The following HS3ST4 variants were observed in gnomAD, a reference collection of about 807,000 sequenced individuals.
HS3ST4 encodes heparan sulfate-glucosamine 3-sulfotransferase 4, also known as heparan sulfate glucosamine 3-O-sulfotransferase 4.
A neutral mutation model predicts 29.2 loss-of-function variants in HS3ST4; 17 were observed. That is an observed-to-expected ratio of 0.58 (90% CI 0.40 to 0.87). The LOEUF (loss-of-function observed/expected upper bound fraction) is 0.87, where lower values mean the gene tolerates loss of function less well. HS3ST4 is among the 40% of genes least tolerant of loss of function. The pLI is 0.00. For missense variants in HS3ST4, 627 were observed against 634.5 expected, an observed-to-expected ratio of 0.99 and a Z score of 0.13; for synonymous variants, 314 against 285.7, an observed-to-expected ratio of 1.10 and a Z score of -1.00.
intron 1 of HS3ST4, among the ~76,000 whole-genome samples, chr16:25,786,142 G>A (rs966442857): frequency 6.6e-6 from 1 of 152,182 alleles, no homozygotes; most frequent in Non-Finnish European, 1.5e-5. Flanking sequence ...CTAAACCAGG[G>A]AAGATTGGAA....
chr16:26,078,319 G>A (rs1898689751), intron 1 of HS3ST4, among the ~76,000 whole-genome samples: 1 of 151,944 alleles, frequency 6.6e-6, no homozygotes, highest in African/African-American at 2.4e-5. Context: ...TTTTTTGTGT[G>A]TGTATTTTTT....
chr16:25,733,691 G>A (rs760461504), intron 1 of HS3ST4, among the ~76,000 whole-genome samples: 6 of 152,022 alleles, frequency 3.9e-5, no homozygotes, highest in Admixed American at 6.6e-5. Flanking sequence ...TCTGGGGGGC[G>A]GGGGGAAACG....
chr16:26,042,045 C>A (rs572702413), intron 1 of HS3ST4, among the ~76,000 whole-genome samples: 69 of 152,262 alleles, frequency 4.5e-4, no homozygotes, highest in Admixed American at 1.6e-3. Flanking sequence ...TTGTTCCTGG[C>A]AAGCAGCAAA....
intron 1 of HS3ST4, among the ~76,000 whole-genome samples, chr16:25,876,455 A>T (rs1020457616): frequency 1.3e-5 from 2 of 152,060 alleles, no homozygotes; most frequent in Non-Finnish European, 2.9e-5. Context: ...GGCTGTTTCA[A>T]GTTTCTCTTA....
chr16:25,888,989 A>G (rs1967981477), intron 1 of HS3ST4, among the ~76,000 whole-genome samples: 1 of 152,108 alleles, frequency 6.6e-6, no homozygotes, highest in African/African-American at 2.4e-5. Flanking sequence ...TGCTGACACT[A>G]ATGATGGATG....
intron 1 of HS3ST4, among the ~76,000 whole-genome samples, chr16:25,767,425 G>A (rs568381603): frequency 3.3e-4 from 50 of 152,300 alleles, no homozygotes; most frequent in African/African-American, 1.2e-3. Context: ...GTCTCCTCGG[G>A]GGGTGGCTGA....
chr16:25,790,317 G>A (rs1354793709), intron 1 of HS3ST4, among the ~76,000 whole-genome samples: 1 of 152,194 alleles, frequency 6.6e-6, no homozygotes, highest in African/African-American at 2.4e-5. Context: ...GCTGAGGCAG[G>A]AGAATTGCTT....
At chr16:26,052,976 G>C (rs1898365236) in intron 1 of HS3ST4, among the ~76,000 whole-genome samples, 1 of 152,194 alleles carries the variant, frequency 6.6e-6, no homozygotes, top group African/African-American at 2.4e-5. Flanking sequence ...GTTGCTAGCT[G>C]TCTTCAGACA....
chr16:26,028,272 CAAAAA>C (rs57920476), intron 1 of HS3ST4, among the ~76,000 whole-genome samples: 3 of 48,658 alleles, frequency 6.2e-5, no homozygotes, highest in Admixed American at 2.3e-4. Flanking sequence ...GACACCGTCT[CAAAAA>C]AAAAAAAAAA....
At chr16:26,126,191 C>T (rs1207787945) in intron 1 of HS3ST4, among the ~76,000 whole-genome samples, 1 of 152,188 alleles carries the variant, frequency 6.6e-6, no homozygotes, top group Non-Finnish European at 1.5e-5. Flanking sequence ...TCTGCACACC[C>T]TCTGAGTCAA....
At chr16:25,801,832 G>C (rs1230799394) in intron 1 of HS3ST4, among the ~76,000 whole-genome samples, 1 of 151,280 alleles carries the variant, frequency 6.6e-6, no homozygotes, top group Non-Finnish European at 1.5e-5. Flanking sequence ...TAATTTTGTT[G>C]CTTTTTTTGA....
At chr16:25,835,928 G>A (rs908966297) in intron 1 of HS3ST4, among the ~76,000 whole-genome samples, 1 of 152,130 alleles carries the variant, frequency 6.6e-6, no homozygotes, top group African/African-American at 2.4e-5. Context: ...GGAAAATAAG[G>A]GGACTGAGGA....
intron 1 of HS3ST4, among the ~76,000 whole-genome samples, chr16:25,971,164 C>G (rs1473996531): frequency 1.3e-5 from 2 of 152,136 alleles, no homozygotes; most frequent in African/African-American, 2.4e-5. Flanking sequence ...AGCATCCTTT[C>G]TATGACAAAC....
intron 1 of HS3ST4, among the ~76,000 whole-genome samples, chr16:26,023,341 C>T (rs182405035): frequency 6.6e-6 from 1 of 151,854 alleles, no homozygotes; most frequent in Admixed American, 6.6e-5. Context: ...CACAACTGCT[C>T]TGATAAGAAG....
intron 1 of HS3ST4, among the ~76,000 whole-genome samples, chr16:25,759,282 A>G (rs1359526387): frequency 1.3e-5 from 2 of 152,270 alleles, no homozygotes; most frequent in African/African-American, 4.8e-5. Context: ...CTGTGTATCA[A>G]CAATCTAGCT....
At chr16:25,882,867 G>A (rs185559649) in intron 1 of HS3ST4, among the ~76,000 whole-genome samples, 96 of 152,240 alleles carry the variant, frequency 6.3e-4, no homozygotes, top group African/African-American at 2.2e-3. Flanking sequence ...AGGCAAACTC[G>A]CTTCTTCCTG....
chr16:25,742,032 A>G (rs540680285), intron 1 of HS3ST4, among the ~76,000 whole-genome samples: 20 of 152,350 alleles, frequency 1.3e-4, no homozygotes, highest in African/African-American at 3.8e-4. Flanking sequence ...CTGGGAAATT[A>G]TAATGAATAG....
chr16:26,018,015 G>A (rs1023777235), intron 1 of HS3ST4, among the ~76,000 whole-genome samples: 1 of 152,204 alleles, frequency 6.6e-6, no homozygotes, highest in Admixed American at 6.5e-5. Context: ...TTGGATGCAT[G>A]GGTCAAAGAA....
At position 25,774,730 on chromosome 16, in the gene HS3ST4, T is replaced by C. The variant is rs1173794421; in HGVS notation, c.734+81579T>C. Among the ~76,000 whole-genome samples the C allele has an allele frequency of 4.6e-5, 7 of 152,390 alleles. No homozygotes were observed. The South Asian group carries it at 1.2e-3, about 27-fold the overall frequency. On this transcript the variant is annotated intron_variant, in intron 1 of 1. Transcript: ENST00000331351. The stretch of plus-strand genomic sequence containing the variant: ...ATAGGCACTGTGTAAGTATTCATTT[T>C]GATTACATTGGACCACCTCTTCTGC...
Sources: gnomAD v4.1 joint callset for allele counts (sites outside exome capture counted in the v4.1 genomes callset) on GRCh38, gnomAD v4.1.1 for gene constraint, MANE v1.5 for transcripts, NCBI Gene and HGNC (gene_info 2026-07-23, HGNC 2026-07-21) for gene names.